C4orf50: variants seen among roughly 807,000 people sequenced by gnomAD.
The protein encoded by C4orf50 is chromosome 4 open reading frame 50.
In C4orf50, 80 loss-of-function variants were observed where a neutral mutation model predicts 77.2. That is an observed-to-expected ratio of 1.04 (90% CI 0.87 to 1.25). C4orf50 has a LOEUF of 1.25. Ranked by LOEUF, C4orf50 falls within the 50% of genes most tolerant of loss-of-function variation. C4orf50 has a pLI of 0.00. For missense variants in C4orf50, 1,257 were observed against 1,152.9 expected, an observed-to-expected ratio of 1.09 and a Z score of -1.31; for synonymous variants, 532 against 465.3, an observed-to-expected ratio of 1.14 and a Z score of -1.84.
chr4:5,940,077 G>A (rs997524571), intron 7 of C4orf50, among the ~76,000 whole-genome samples: 2 of 152,184 alleles, frequency 1.3e-5, no homozygotes, highest in African/African-American at 4.8e-5. Flanking sequence ...AAATATTCAT[G>A]ACTCCTCCCA....
In C4orf50 at chr4:5,916,332, A is replaced by C. The variant is rs539278228; in HGVS notation, c.*2475-18144T>G. 2.6e-5 allele frequency among the ~76,000 whole-genome samples: 4 copies of C among 152,242 alleles called. No individual in the cohort carries two copies. The highest frequency in any genetic ancestry group is 2.6e-4 in the Admixed American group (4 of 15,304). On this transcript the variant is annotated intron_variant, in intron 7 of 7. Coordinates refer to the C4orf50 transcript ENST00000324058. The surrounding 1 kb of genome is among the most constrained non-coding windows in gnomAD (Gnocchi z 4.4). ...TTTTTTGTCTGGGTGTTGACCAATC[A>C]ACTAGGAGAGGGGTGGGGCTTAACC...
rs1004842439 is a variant in C4orf50, at chr4:5,992,352, C to T, written c.1221+451G>A. Among the ~76,000 whole-genome samples, 2 of 152,050 alleles carry T rather than the reference C, an allele frequency of 1.3e-5. No individual in the cohort carries two copies. The highest frequency in any genetic ancestry group is 4.8e-5 in the African/African-American group (2 of 41,394). ...GGTTACGACTGCCTCAGCCTCAGAG[C>T]GAGCCATGGGAGGTGAGTTGGGACG... is the stretch of plus-strand genomic sequence containing the variant. On this transcript the variant is annotated intron_variant, in intron 27 of 33. Transcript: ENST00000531445. The surrounding 1 kb of genome is among the most constrained non-coding windows in gnomAD (Gnocchi z 5.0).
At chr4:5,907,362 AT>A (rs1716601411) in intron 7 of C4orf50, among the ~76,000 whole-genome samples, 1 of 152,234 alleles carries the variant, frequency 6.6e-6, no homozygotes, top group South Asian at 2.1e-4. Context: ...ATCAAAAAAA[AT>A]CACAGGAATT....
chr4:5,987,760 A>T (rs796290569), intron 28 of C4orf50, among the ~76,000 whole-genome samples: 71 of 152,282 alleles, frequency 4.7e-4, no homozygotes, highest in African/African-American at 1.7e-3. Context: ...TATCCTACAC[A>T]TGGTGAAGGC....
Position 6,011,713 on chromosome 4 carries a change from C to T in C4orf50, c.426+117G>A. On this transcript the variant is annotated intron_variant, in intron 24 of 33. Transcript: ENST00000531445. This position sits in a 1 kb window ranked among gnomAD's most constrained non-coding sequence, Gnocchi z 4.2. The stretch of plus-strand genomic sequence containing the variant: ...TGAACGTAGGATCTCTCTAACCCTC[C>T]TGACTGGGCTCTCCCAGGCCCACCC... 2.5e-6 allele frequency: 1 copy of T among 398,118 alleles called. No homozygotes were observed. The highest frequency in any genetic ancestry group is 4.4e-6 in the Non-Finnish European group (1 of 226,038). The allele number at this position is 398,118 out of a possible 1,614,324, so 24.7% of individuals were successfully genotyped here.
intron 23 of C4orf50, among the ~76,000 whole-genome samples, chr4:6,012,531 C>T (rs1156743512): frequency 1.3e-5 from 2 of 152,096 alleles, no homozygotes; most frequent in African/African-American, 2.4e-5. Context: ...AACGTTTCTG[C>T]AACTGAAAAA....
At chr4:5,971,519 A>G (rs529005885) in intron 31 of C4orf50, among the ~76,000 whole-genome samples, 3 of 152,276 alleles carry the variant, frequency 2.0e-5, no homozygotes, top group Admixed American at 6.5e-5. Context: ...TGGCAGGGAC[A>G]TCCTGGTCCA....
intron 25 of C4orf50, among the ~76,000 whole-genome samples, chr4:6,004,013 G>A (rs1722019870): frequency 7.8e-6 from 1 of 127,834 alleles, no homozygotes; most frequent in Non-Finnish European, 1.6e-5. Flanking sequence ...TGGTGATGAT[G>A]TGATGGTGAT....
intron 7 of C4orf50, among the ~76,000 whole-genome samples, chr4:5,912,968 A>T (rs1233423378): frequency 6.6e-6 from 1 of 152,248 alleles, no homozygotes; most frequent in Non-Finnish European, 1.5e-5. Flanking sequence ...TCTGGCTTGC[A>T]TATGAAAGGC....
rs1316363226 is a variant in C4orf50 at position 6,009,122 on chromosome 4, A to G, written c.427-590T>C. Among the ~76,000 whole-genome samples, 4 of 152,196 alleles carry G rather than the reference A, an allele frequency of 2.6e-5. No homozygotes were observed. Among genetic ancestry groups the G allele is most frequent in the Non-Finnish European group, 5.9e-5 (4 of 68,036 alleles). ...GAGTGACTTGCATATCACGCAGCTA[A>G]AATTCACTGCGGCCAGGATGCCAAG... On this transcript the variant is annotated intron_variant, in intron 24 of 33. Coordinates refer to ENST00000531445, the Ensembl canonical transcript of C4orf50. This position sits in a 1 kb window ranked among gnomAD's most constrained non-coding sequence, Gnocchi z 5.6.
chr4:5,940,124 A>T (rs968621606), intron 7 of C4orf50, among the ~76,000 whole-genome samples: 5 of 152,166 alleles, frequency 3.3e-5, no homozygotes, highest in Admixed American at 6.5e-5. Context: ...CACCCAACTC[A>T]GCATAAATTT....
chr4:5,909,956 T>C (rs1420357440), intron 7 of C4orf50, among the ~76,000 whole-genome samples: 1 of 152,238 alleles, frequency 6.6e-6, no homozygotes, highest in African/African-American at 2.4e-5. Flanking sequence ...CCAGCATTTT[T>C]TCCCCCCTCA....
chr4:5,959,711 G>T, intron 33 of C4orf50, 85 bp from the exon 12 acceptor site: 1 of 1,477,274 alleles, frequency 6.8e-7, no homozygotes, highest in South Asian at 1.4e-5. Context: ...CAAAGGAAGA[G>T]ATGACAGTGA....
intron 7 of C4orf50, among the ~76,000 whole-genome samples, chr4:5,948,931 A>G (rs1287450802): frequency 6.8e-6 from 1 of 146,298 alleles, no homozygotes; most frequent in Non-Finnish European, 1.5e-5. Flanking sequence ...ATTGCACTTC[A>G]GCCTGGGCAA....
At chr4:5,966,340 T>C (rs1310124776) in intron 32 of C4orf50, among the ~76,000 whole-genome samples, 1 of 151,932 alleles carries the variant, frequency 6.6e-6, no homozygotes, top group Non-Finnish European at 1.5e-5. Flanking sequence ...CCAGGCATGA[T>C]AGTGGGCGCC....
intron 7 of C4orf50, among the ~76,000 whole-genome samples, chr4:5,947,945 C>A (rs1718551626): frequency 6.6e-6 from 1 of 152,244 alleles, no homozygotes; most frequent in Admixed American, 6.5e-5. Flanking sequence ...ATGCAGGCAC[C>A]TCTTCCAGGC....
At position 5,908,980 on chromosome 4, in the gene C4orf50, A is replaced by G. The variant is rs899460810; in HGVS notation, c.*2475-10792T>C. Among the ~76,000 whole-genome samples, 5 of 152,188 alleles carry G rather than the reference A, an allele frequency of 3.3e-5. No homozygotes were observed. The highest frequency in any genetic ancestry group is 1.2e-4 in the African/African-American group (5 of 41,460). ...CAGTCCATGACTGCCTCTTAGCTGG[A>G]CCACAGAGAGTTTCCTAACCAGGCT... is the stretch of plus-strand genomic sequence containing the variant. On this transcript the variant is annotated intron_variant, in intron 7 of 7. Transcript: ENST00000324058. This position sits in a 1 kb window ranked among gnomAD's most constrained non-coding sequence, Gnocchi z 5.6.
chr4:5,944,991 T>C (rs1047840668), intron 7 of C4orf50, among the ~76,000 whole-genome samples: 1 of 151,846 alleles, frequency 6.6e-6, no homozygotes, highest in Non-Finnish European at 1.5e-5. Flanking sequence ...CTGCTCCAGG[T>C]CTTGTAGCTG....
At chr4:5,951,786 G>A (rs1418292768) in intron 7 of C4orf50, among the ~76,000 whole-genome samples, 2 of 151,848 alleles carry the variant, frequency 1.3e-5, no homozygotes, top group African/African-American at 2.4e-5. Context: ...CTCTCCGTCC[G>A]ACCTACCTTC....
Sources: gnomAD v4.1 joint callset for allele counts (sites outside exome capture counted in the v4.1 genomes callset) on GRCh38, gnomAD v4.1.1 for gene constraint, Gnocchi (gnomAD v3.1) non-coding constraint, MANE v1.5 for transcripts, NCBI Gene and HGNC (gene_info 2026-07-23, HGNC 2026-07-21) for gene names.